FAM117A: variants seen among roughly 807,000 people sequenced by gnomAD.
The protein encoded by FAM117A is family with sequence similarity 117 member A, also known as protein FAM117A.
FAM117A carries 21 observed loss-of-function variants against 44.1 expected under a neutral mutation model. The observed-to-expected ratio is 0.48, with a 90% confidence interval of 0.34 to 0.69. The LOEUF (loss-of-function observed/expected upper bound fraction) is 0.69. FAM117A is among the 30% of genes least tolerant of loss of function. FAM117A has a pLI of 0.01. For missense variants in FAM117A, 498 were observed against 589.9 expected, an observed-to-expected ratio of 0.84 and a Z score of 1.61; for synonymous variants, 220 against 238.3, an observed-to-expected ratio of 0.92 and a Z score of 0.71.
intron 1 of FAM117A, among the ~76,000 whole-genome samples, chr17:49,778,840 C>T (rs2073781938): frequency 6.6e-6 from 1 of 152,182 alleles, no homozygotes; most frequent in African/African-American, 2.4e-5. Flanking sequence ...AAATAACACA[C>T]ACATAAATGT....
chr17:49,775,152 TAA>T (rs2073772205), intron 1 of FAM117A, among the ~76,000 whole-genome samples: 1 of 152,150 alleles, frequency 6.6e-6, no homozygotes, highest in Non-Finnish European at 1.5e-5. Flanking sequence ...CATGCCCGGC[TAA>T]TTTTTGTATT....
chr17:49,755,087 A>ATGGT (rs1342094311), intron 1 of FAM117A, among the ~76,000 whole-genome samples: 1 of 151,704 alleles, frequency 6.6e-6, no homozygotes, highest in Non-Finnish European at 1.5e-5. Flanking sequence ...CACCAGACAC[A>ATGGT]TGGTTGGCAG....
At chr17:49,746,710 C>G (rs545066508) in intron 1 of FAM117A, among the ~76,000 whole-genome samples, 99 of 152,268 alleles carry the variant, frequency 6.5e-4, no homozygotes, top group Middle Eastern at 3.4e-3. Flanking sequence ...CATGATTGCT[C>G]TTCAAAAGGA....
At chr17:49,778,819 G>A (rs1267392398) in intron 1 of FAM117A, among the ~76,000 whole-genome samples, 2 of 152,180 alleles carry the variant, frequency 1.3e-5, no homozygotes, top group African/African-American at 4.8e-5. Context: ...GAGACAGAAA[G>A]TAAAGAATCC....
At chr17:49,715,881 A>G (rs1433556885) in intron 7 of FAM117A, among the ~76,000 whole-genome samples, 1 of 152,358 alleles carries the variant, frequency 6.6e-6, no homozygotes, top group Non-Finnish European at 1.5e-5. Context: ...GGAAAAAAAT[A>G]GAAGAAACAA....
In FAM117A at chr17:49,787,106, A is replaced by AG. The variant is rs1490719011; in HGVS notation, c.-621+1390dup. Among the ~76,000 whole-genome samples, 8 of 152,256 alleles carry AG rather than the reference A, an allele frequency of 5.3e-5. No homozygotes were observed. The South Asian group carries it at 1.2e-3, about 24-fold the overall frequency. On this transcript the variant is annotated intron_variant, in intron 1 of 7. Transcript: ENST00000513602. ...CTTGAAAGAAAAAAAAAGAAGAGAG[A>AG]GAAAAAAAGTAGGATGGTATGAAAT...
At chr17:49,729,282 T>C (rs2073574095) in intron 2 of FAM117A, among the ~76,000 whole-genome samples, 1 of 151,910 alleles carries the variant, frequency 6.6e-6, no homozygotes, top group African/African-American at 2.4e-5. Flanking sequence ...GCTGACCTCA[T>C]TGCAAGGCAT....
At chr17:49,782,329 AC>A in intron 1 of FAM117A, among the ~76,000 whole-genome samples, 1 of 137,234 alleles carries the variant, frequency 7.3e-6, no homozygotes, top group Non-Finnish European at 1.5e-5. Context: ...GTGAGCCAAG[AC>A]TGCGCCACTG....
intron 2 of FAM117A, among the ~76,000 whole-genome samples, chr17:49,731,425 A>C (rs779634692): frequency 2.0e-5 from 3 of 152,276 alleles, no homozygotes; most frequent in Non-Finnish European, 4.4e-5. Context: ...GAATCAGATT[A>C]AGAAATGTCT....
chr17:49,755,248 G>T (rs575998872), intron 1 of FAM117A, among the ~76,000 whole-genome samples: 90 of 152,220 alleles, frequency 5.9e-4, no homozygotes, highest in African/African-American at 2.1e-3. Flanking sequence ...ATGGTGGCTG[G>T]CTTGGGAGAG....
chr17:49,736,959 G>T (rs2073613388), intron 1 of FAM117A, among the ~76,000 whole-genome samples: 2 of 152,234 alleles, frequency 1.3e-5, no homozygotes, highest in African/African-American at 4.8e-5. Flanking sequence ...GCATAGGGCT[G>T]GCAATTGGCA....
intron 1 of FAM117A, among the ~76,000 whole-genome samples, chr17:49,763,629 C>T (rs1385138814): frequency 6.6e-6 from 1 of 151,830 alleles, no homozygotes; most frequent in African/African-American, 2.4e-5. Flanking sequence ...CGGTTACGCC[C>T]CCAAAGCCAG....
intron 1 of FAM117A, among the ~76,000 whole-genome samples, chr17:49,771,105 G>A (rs2073759797): frequency 6.6e-6 from 1 of 152,092 alleles, no homozygotes; most frequent in South Asian, 2.1e-4. Context: ...CTACTAGGGG[G>A]CTGAGGCAGA....
At chr17:49,751,403 A>G (rs889942522) in intron 1 of FAM117A, among the ~76,000 whole-genome samples, 1 of 151,624 alleles carries the variant, frequency 6.6e-6, no homozygotes, top group Admixed American at 6.6e-5. Flanking sequence ...ACATGGTGAA[A>G]CCCCATTTCT....
chr17:49,716,366 C>G, intron 6 of FAM117A, 51 bp from the exon 7 acceptor site: 2 of 1,473,000 alleles, frequency 1.4e-6, no homozygotes, highest in Non-Finnish European at 1.8e-6. Flanking sequence ...AAGGCCTCCA[C>G]TTTTCTGGGT....
chr17:49,776,081 T>C (rs1042038042), intron 1 of FAM117A, among the ~76,000 whole-genome samples: 1 of 152,160 alleles, frequency 6.6e-6, no homozygotes, highest in African/African-American at 2.4e-5. Context: ...AGGAAGGAAG[T>C]AACACAGCCA....
At chr17:49,773,665 T>C (rs2073767865) in intron 1 of FAM117A, among the ~76,000 whole-genome samples, 1 of 152,096 alleles carries the variant, frequency 6.6e-6, no homozygotes, top group Non-Finnish European at 1.5e-5. Flanking sequence ...TCTCCAAGTG[T>C]TCCTCATCTA....
chr17:49,729,779 C>T (rs921406477), intron 2 of FAM117A, among the ~76,000 whole-genome samples: 1 of 152,150 alleles, frequency 6.6e-6, no homozygotes, highest in Non-Finnish European at 1.5e-5. Context: ...GCTGGGATTA[C>T]AGGCGTGAGC....
intron 1 of FAM117A, among the ~76,000 whole-genome samples, chr17:49,761,879 C>T (rs922821631): frequency 5.9e-5 from 9 of 152,182 alleles, no homozygotes; most frequent in Non-Finnish European, 4.4e-5. Flanking sequence ...TACAGATAAT[C>T]CCCCCAACTA....
Sources: allele counts gnomAD v4.1 joint callset (sites outside exome capture counted in the v4.1 genomes callset), GRCh38; gene constraint gnomAD v4.1.1; transcripts MANE v1.5; gene names NCBI Gene and HGNC (gene_info 2026-07-23, HGNC 2026-07-21).